FAM83A: variants seen among roughly 807,000 people sequenced by gnomAD.
The protein encoded by FAM83A is scaffolding CK1 anchoring protein A.
A neutral mutation model predicts 24.4 loss-of-function variants in FAM83A; 21 were observed. The observed-to-expected ratio is 0.86, with a 90% confidence interval of 0.61 to 1.24. The LOEUF is 1.24. Among genes scored for constraint, FAM83A ranks in the 50% most tolerant of loss-of-function variants. FAM83A has a pLI of 0.00. For missense variants in FAM83A, 617 were observed against 579.8 expected (o/e 1.06, Z -0.66); for synonymous variants, 270 against 252.4 (o/e 1.07, Z -0.66).
chr8:123,197,812 A>G (rs1464224232), intron 3 of FAM83A, among the ~76,000 whole-genome samples: 1 of 152,196 alleles, frequency 6.6e-6, no homozygotes, highest in Non-Finnish European at 1.5e-5. Flanking sequence ...TCTCCTCAGT[A>G]GCCCCAAAGC....
At chr8:123,196,522 A>G (rs183763052) in intron 3 of FAM83A, among the ~76,000 whole-genome samples, 7 of 152,170 alleles carry the variant, frequency 4.6e-5, no homozygotes, top group African/African-American at 1.7e-4. Flanking sequence ...TCTGCTTGCT[A>G]CGAAGCTTAA....
chr8:123,208,580 AC>A, exon 4 of FAM83A: 13 of 985,388 alleles, frequency 1.3e-5, no homozygotes, highest in Non-Finnish European at 1.6e-5. Flanking sequence ...TAAATGCTGA[AC>A]CTCACAAGCC....
chr8:123,182,776 C>T (rs1265673830), exon 1 of FAM83A: 2 of 1,492,612 alleles, frequency 1.3e-6, no homozygotes, highest in Non-Finnish European at 1.8e-6. Flanking sequence ...CCCCACTCCT[C>T]CGTGGTGTGT....
Position 123,202,822 on chromosome 8 carries a change from T to C in FAM83A, c.774-4335T>C, listed in dbSNP as rs185604582. On this transcript the variant is annotated intron_variant, in intron 3 of 3. Transcript: ENST00000690554. ...GAGGTAAAGGATGTTCTGGAAATTATTGTGTGGTTATGTACTTGTGGGTCA... is the reference window on the plus strand; with the variant it reads ...GAGGTAAAGGATGTTCTGGAAATTACTGTGTGGTTATGTACTTGTGGGTCA... 1.2e-3 allele frequency: 178 copies of C among 152,374 alleles called. 1 individual carries two copies. Among genetic ancestry groups the C allele is most frequent in the Non-Finnish European group, 1.0e-4 (7 of 68,026 alleles). The allele number at this position is 152,374 out of a possible 1,614,324, so 9.4% of individuals were successfully genotyped here. A position where few individuals can be genotyped will look rare whatever the true frequency, so the allele number is the denominator to read the frequency against.
intron 1 of FAM83A, among the ~76,000 whole-genome samples, chr8:123,189,974 A>AT (rs1394447281): frequency 6.6e-6 from 1 of 152,176 alleles, no homozygotes; most frequent in East Asian, 1.9e-4. Flanking sequence ...ACCTACAATC[A>AT]TGTACGGAAT....
upstream of FAM83A, chr8:123,182,382 A>C: frequency 2.8e-6 from 1 of 357,504 alleles, no homozygotes; most frequent in Admixed American, 3.7e-5. Flanking sequence ...CAGCATGGGA[A>C]TCGAGGCACC....
chr8:123,202,042 G>A (rs1194917233), intron 3 of FAM83A: 1 of 152,414 alleles, frequency 6.6e-6, no homozygotes, highest in African/African-American at 2.4e-5. Flanking sequence ...ACAACAGCAA[G>A]ACATCATCCT....
At chr8:123,190,428 T>C (rs912493310) in intron 1 of FAM83A, among the ~76,000 whole-genome samples, 61 of 137,546 alleles carry the variant, frequency 4.4e-4, no homozygotes, top group African/African-American at 1.6e-3. Context: ...GTCCAGCTAA[T>C]TTTTTTTTTT....
upstream of FAM83A, chr8:123,181,939 G>A (rs1374065657): frequency 2.3e-6 from 1 of 433,364 alleles, no homozygotes; most frequent in Non-Finnish European, 4.8e-6. Flanking sequence ...CCCATTGCCA[G>A]ATCACGATCT....
At chr8:123,202,557 T>C (rs1332636739) in intron 3 of FAM83A, 3 of 152,732 alleles carry the variant, frequency 2.0e-5, no homozygotes, top group Admixed American at 6.5e-5. Flanking sequence ...TCTTCTCTGT[T>C]GCTTTCCTGG....
chr8:123,196,779 G>A (rs1344075203), intron 3 of FAM83A, among the ~76,000 whole-genome samples: 1 of 152,198 alleles, frequency 6.6e-6, no homozygotes, highest in African/African-American at 2.4e-5. Context: ...GGTGTTGTAA[G>A]GCTGTGGCAA....
intron 3 of FAM83A, among the ~76,000 whole-genome samples, chr8:123,195,586 G>A (rs1369983256): frequency 2.6e-5 from 4 of 152,188 alleles, no homozygotes; most frequent in Non-Finnish European, 5.9e-5. Flanking sequence ...AGACTGGGTA[G>A]CTTATAAACA....
At chr8:123,208,238 T>C (rs1824629874) in exon 4 of FAM83A, 6 of 985,692 alleles carry the variant, frequency 6.1e-6, no homozygotes, top group Non-Finnish European at 7.2e-6. Flanking sequence ...AGGGTATCCT[T>C]GGGCCCAATG....
chr8:123,189,612 C>A (rs188881307), intron 1 of FAM83A, among the ~76,000 whole-genome samples: 1 of 152,292 alleles, frequency 6.6e-6, no homozygotes, highest in East Asian at 1.9e-4. Flanking sequence ...TCTGATGCCT[C>A]CTTTGGAAAG....
At chr8:123,182,004 C>T (rs1006580152), upstream of FAM83A, 6 of 455,912 alleles carry the variant, frequency 1.3e-5, no homozygotes, top group Middle Eastern at 3.2e-4. Flanking sequence ...TTCAAACCCA[C>T]GTGCTGCTCC....
chr8:123,181,006 C>A (rs569458658), upstream of FAM83A, among the ~76,000 whole-genome samples: 1 of 152,142 alleles, frequency 6.6e-6, no homozygotes, highest in South Asian at 2.1e-4. Context: ...TGCAATGGTG[C>A]GATCTTGGCT....
At chr8:123,205,581 G>C (rs1824521727) in intron 3 of FAM83A, among the ~76,000 whole-genome samples, 1 of 152,210 alleles carries the variant, frequency 6.6e-6, no homozygotes, top group Non-Finnish European at 1.5e-5. Context: ...CAGGCCTTTG[G>C]GTGGCAAGAC....
intron 1 of FAM83A, 101 bp downstream of exon 1, chr8:123,183,437 C>A: frequency 6.7e-7 from 1 of 1,500,052 alleles, no homozygotes; most frequent in Middle Eastern, 1.9e-4. Flanking sequence ...GGGCGAGAGT[C>A]CAGATAATTG....
At chr8:123,208,124 C>T (rs1563791371) in exon 4 of FAM83A, 1 of 1,000,542 alleles carries the variant, frequency 1.0e-6, no homozygotes, top group African/African-American at 1.7e-5. Flanking sequence ...GAATGGTCCA[C>T]TCCCAAGAAA....
Sources: allele counts gnomAD v4.1 joint callset (sites outside exome capture counted in the v4.1 genomes callset), GRCh38; gene constraint gnomAD v4.1.1; transcripts MANE v1.5; gene names NCBI Gene and HGNC (gene_info 2026-07-23, HGNC 2026-07-21).